Variants in MANBA observed in about 807,000 individuals in gnomAD.
MANBA encodes mannosidase beta, also known as beta-mannosidase.
MANBA carries 83 observed loss-of-function variants against 111.1 expected under a neutral mutation model. That is an observed-to-expected ratio of 0.75 (90% CI 0.63 to 0.90). The LOEUF (loss-of-function observed/expected upper bound fraction) is 0.90. Among genes scored for constraint, MANBA ranks in the 40% least tolerant of loss-of-function variants. The pLI is 0.00. For missense variants in MANBA, 1,036 were observed against 1,069.0 expected (o/e 0.97, Z 0.43); for synonymous variants, 370 against 378.7 (o/e 0.98, Z 0.27).
At chr4:102,647,359 C>T (rs576604233) in intron 13 of MANBA, among the ~76,000 whole-genome samples, 1 of 150,882 alleles carries the variant, frequency 6.6e-6, no homozygotes, top group East Asian at 1.9e-4. Flanking sequence ...ACAAAACCAT[C>T]ACCAACAAAA....
intron 1 of MANBA, among the ~76,000 whole-genome samples, chr4:102,755,860 GAC>G (rs1447011313): frequency 6.6e-6 from 1 of 152,084 alleles, no homozygotes; most frequent in African/African-American, 2.4e-5. Context: ...GCAGCCAAAA[GAC>G]ACATGAAAAA....
At chr4:102,665,085 GCTATATAAAAA>G in intron 10 of MANBA, 2 of 498,824 alleles carry the variant, frequency 4.0e-6, no homozygotes, top group Non-Finnish European at 7.2e-6. Flanking sequence ...TCTCTTCTCT[GCTATATAAAAA>G]CTGAAGATAA....
chr4:102,706,267 C>T (rs1733292061), intron 5 of MANBA, among the ~76,000 whole-genome samples: 1 of 152,164 alleles, frequency 6.6e-6, no homozygotes, highest in Non-Finnish European at 1.5e-5. Flanking sequence ...TCTTGATGAC[C>T]CCATCCCCAG....
chr4:102,718,962 G>A (rs1722457971), intron 4 of MANBA, among the ~76,000 whole-genome samples: 1 of 152,176 alleles, frequency 6.6e-6, no homozygotes, highest in Admixed American at 6.5e-5. Context: ...CACAAGGCAA[G>A]GCAAAATTAG....
chr4:102,729,007 G>A (rs2110197885), intron 1 of MANBA: 1 of 964,404 alleles, frequency 1.0e-6, no homozygotes, highest in Non-Finnish European at 1.7e-6. Flanking sequence ...TCCTGTAGGT[G>A]GCTATCTCGA....
rs1406663874 is a variant in MANBA at position 102,714,556 on chromosome 4, T to C, written c.555A>G (p.Gln185=). 2 of 1,608,158 alleles carry C rather than the reference T, an allele frequency of 1.2e-6. No homozygotes were observed. Among genetic ancestry groups the C allele is most frequent in the South Asian group, 1.1e-5 (1 of 90,934 alleles). The change falls in exon 5 of 17, where the codon CAA becomes CAG. Residue 185 remains glutamine, a synonymous_variant. Coordinates refer to ENST00000647097, the MANE Select transcript of MANBA (RefSeq NM_005908.4). ...GCCCCCAGTCCCAACTAAAGGAACA[T>C]TGCTCCTGCAATTTCAAGGAGAAAA... is the stretch of plus-strand genomic sequence containing the variant. ...ECHVNFVRKE[Q]CSFSWDWGPS... is the part of the protein sequence containing the mutation.
intron 11 of MANBA, among the ~76,000 whole-genome samples, chr4:102,661,770 C>T (rs893273444): frequency 5.3e-4 from 81 of 152,204 alleles, no homozygotes; most frequent in African/African-American, 1.9e-3. Context: ...GCAAATCTCA[C>T]AGATGACATC....
At chr4:102,718,030 CAA>C (rs755678712) in intron 4 of MANBA, among the ~76,000 whole-genome samples, 9 of 152,172 alleles carry the variant, frequency 5.9e-5, no homozygotes, top group Non-Finnish European at 1.2e-4. Flanking sequence ...TGACTGAACT[CAA>C]GACACAGTGG....
chr4:102,673,613 T>A (rs1418175400), intron 8 of MANBA, among the ~76,000 whole-genome samples: 1 of 152,238 alleles, frequency 6.6e-6, no homozygotes, highest in African/African-American at 2.4e-5. Context: ...AATATTTTTT[T>A]CGGAGACTAT....
At chr4:102,634,102 TA>T (rs1276426056) in intron 16 of MANBA, among the ~76,000 whole-genome samples, 1 of 152,212 alleles carries the variant, frequency 6.6e-6, no homozygotes, top group Admixed American at 6.5e-5. Flanking sequence ...TATGTGTACA[TA>T]TATTTCCAAC....
In MANBA at chr4:102,760,823, G is replaced by C; in HGVS notation, c.72C>G (p.Ser24Arg). 6.4e-7 allele frequency: 1 copy of C among 1,567,348 alleles called. No homozygotes were observed. Among genetic ancestry groups the C allele is most frequent in the Non-Finnish European group, 8.6e-7 (1 of 1,156,240 alleles). The change falls in exon 1 of 17, where the codon AGC becomes AGG. Residue 24 changes from serine to arginine, a missense_variant. Physicochemically the swap from Ser to Arg is moderately radical, Grantham distance 110. Transcript: ENST00000647097. ...TGCAGATGCTCCAGTTGCCACGCAAGCTGTAACTGAGCTCCGCGGCGGTGG... is the reference window on the plus strand; with the variant it reads ...TGCAGATGCTCCAGTTGCCACGCAACCTGTAACTGAGCTCCGCGGCGGTGG... ...AGTTAAELSY[S>R]LRGNWSICNG...
rs555755237 is a variant in MANBA at position 102,704,963 on chromosome 4, G to A, written c.673+9475C>T. 1.2e-4 allele frequency among the ~76,000 whole-genome samples: 19 copies of A among 152,292 alleles called. No homozygotes were observed. The South Asian group carries it at 3.1e-3, about 25-fold the overall frequency. On this transcript the variant is annotated intron_variant, in intron 5 of 16. Coordinates refer to ENST00000647097, the MANE Select transcript of MANBA (RefSeq NM_005908.4). The stretch of plus-strand genomic sequence containing the variant: ...TACTGTCATAATATTTCAAAAATGA[G>A]GGAGGAGCTTCAAGATGGCTGACTA...
chr4:102,652,114 A>C (rs1460952020), intron 12 of MANBA, among the ~76,000 whole-genome samples: 1 of 152,174 alleles, frequency 6.6e-6, no homozygotes, highest in African/African-American at 2.4e-5. Context: ...ACTCAAAATT[A>C]TCTCTTCTAG....
At chr4:102,736,069 T>C (rs1230997497) in intron 1 of MANBA, among the ~76,000 whole-genome samples, 2 of 152,204 alleles carry the variant, frequency 1.3e-5, no homozygotes, top group Non-Finnish European at 2.9e-5. Flanking sequence ...CCTGTGACCC[T>C]AGTGGGGTAG....
At chr4:102,686,506 G>A (rs1036942577) in intron 7 of MANBA, among the ~76,000 whole-genome samples, 4 of 152,108 alleles carry the variant, frequency 2.6e-5, no homozygotes, top group Admixed American at 6.6e-5. Flanking sequence ...TATATTCACC[G>A]TCTTTACTTC....
intron 1 of MANBA, chr4:102,751,452 A>G (rs1292291669): frequency 1.6e-5 from 8 of 515,414 alleles, no homozygotes; most frequent in Admixed American, 1.4e-4. Context: ...ATATGCTGTA[A>G]ATGATGTTTC....
chr4:102,684,054 C>T (rs1171577320), intron 7 of MANBA, among the ~76,000 whole-genome samples: 1 of 151,940 alleles, frequency 6.6e-6, no homozygotes, highest in East Asian at 1.9e-4. Flanking sequence ...TCTGTAACTT[C>T]CCCAGGACCT....
intron 1 of MANBA, among the ~76,000 whole-genome samples, chr4:102,741,483 G>A (rs1723402262): frequency 6.6e-6 from 1 of 152,090 alleles, no homozygotes. Flanking sequence ...AAGACACTTG[G>A]ATACACATGT....
chr4:102,722,674 C>A, intron 4 of MANBA, 197 bp downstream of exon 4: 1 of 616,348 alleles, frequency 1.6e-6, no homozygotes, highest in South Asian at 2.0e-5. Flanking sequence ...AGGAAGAAAA[C>A]TTAGAAAAAG....
Sources: gnomAD v4.1 joint callset for allele counts (sites outside exome capture counted in the v4.1 genomes callset) on GRCh38, gnomAD v4.1.1 for gene constraint, MANE v1.5 for transcripts, NCBI Gene and HGNC (gene_info 2026-07-23, HGNC 2026-07-21) for gene names.